NCALD: variants seen among roughly 807,000 people sequenced by gnomAD.
NCALD encodes the protein neurocalcin delta.
NCALD carries 10 observed loss-of-function variants against 18.6 expected under a neutral mutation model. That is an observed-to-expected ratio of 0.54 (90% confidence interval 0.33 to 0.91). The LOEUF is 0.91. NCALD is among the 40% of genes least tolerant of loss of function. The pLI is 0.03. For missense variants in NCALD, 184 were observed against 247.6 expected (o/e 0.74, Z 1.72); for synonymous variants, 88 against 87.4 (o/e 1.01, Z -0.04).
intron 2 of NCALD, among the ~76,000 whole-genome samples, chr8:101,940,304 TACTG>T (rs1458859834): frequency 6.6e-6 from 1 of 152,104 alleles, no homozygotes; most frequent in Non-Finnish European, 1.5e-5. Flanking sequence ...GATAAGAACT[TACTG>T]ACTAAGGGAG....
intron 1 of NCALD, among the ~76,000 whole-genome samples, chr8:101,760,175 T>C (rs146887776): frequency 2.6e-5 from 4 of 152,302 alleles, no homozygotes; most frequent in African/African-American, 7.2e-5. Flanking sequence ...ACCTCAGATA[T>C]TGACAATTTG....
At chr8:101,893,958 G>A (rs1370359652) in intron 3 of NCALD, among the ~76,000 whole-genome samples, 1 of 146,792 alleles carries the variant, frequency 6.8e-6, no homozygotes, top group Non-Finnish European at 1.5e-5. Context: ...AGATCAATGA[G>A]ACAGAAAGTC....
intron 1 of NCALD, among the ~76,000 whole-genome samples, chr8:102,044,456 A>G (rs1261811412): frequency 6.7e-6 from 1 of 149,632 alleles, no homozygotes; most frequent in Non-Finnish European, 1.5e-5. Context: ...AAGCAAGAAG[A>G]GAGATGGTAT....
chr8:101,862,005 A>C (rs1176294952), intron 4 of NCALD, among the ~76,000 whole-genome samples: 2 of 152,224 alleles, frequency 1.3e-5, no homozygotes, highest in Non-Finnish European at 2.9e-5. Flanking sequence ...CATTTAAAAT[A>C]ATCATAATAA....
At chr8:102,032,912 A>G (rs1406216778) in intron 1 of NCALD, among the ~76,000 whole-genome samples, 5 of 152,194 alleles carry the variant, frequency 3.3e-5, no homozygotes, top group Non-Finnish European at 5.9e-5. Flanking sequence ...GGCTAGCACC[A>G]TTACTGTGTG....
chr8:101,706,451 A>G (rs1815528737), intron 2 of NCALD, among the ~76,000 whole-genome samples: 2 of 152,314 alleles, frequency 1.3e-5, no homozygotes, highest in East Asian at 3.9e-4. Flanking sequence ...GAAGATCTGG[A>G]AGCAATTTGT....
intron 1 of NCALD, among the ~76,000 whole-genome samples, chr8:102,035,267 A>G (rs775140320): frequency 1.3e-5 from 2 of 152,136 alleles, no homozygotes; most frequent in Non-Finnish European, 2.9e-5. Context: ...CTCTTCCTGT[A>G]ATAACAAAGC....
intron 2 of NCALD, among the ~76,000 whole-genome samples, chr8:101,994,982 G>A (rs1028775419): frequency 1.5e-4 from 23 of 152,212 alleles, no homozygotes; most frequent in Non-Finnish European, 2.9e-4. Flanking sequence ...TATGGCACTT[G>A]AGCAGTGCCT....
chr8:101,738,405 G>A (rs745586380), intron 1 of NCALD, among the ~76,000 whole-genome samples: 6 of 151,978 alleles, frequency 3.9e-5, no homozygotes, highest in Admixed American at 6.6e-5. Flanking sequence ...TTAGCTGGGC[G>A]TGGTGGCAGG....
intron 2 of NCALD, among the ~76,000 whole-genome samples, chr8:101,700,954 C>T (rs1815237348): frequency 6.6e-6 from 1 of 152,174 alleles, no homozygotes; most frequent in South Asian, 2.1e-4. Context: ...GTGGGGTCTT[C>T]TTTAAGAGGC....
intron 1 of NCALD, among the ~76,000 whole-genome samples, chr8:101,757,271 G>A (rs1192602503): frequency 2.6e-5 from 4 of 152,166 alleles, no homozygotes; most frequent in African/African-American, 7.2e-5. Context: ...CTAAGGTCAA[G>A]TACTAGTTTC....
intron 2 of NCALD, among the ~76,000 whole-genome samples, chr8:101,922,829 G>C (rs1818213212): frequency 6.6e-6 from 1 of 151,986 alleles, no homozygotes; most frequent in African/African-American, 2.4e-5. Context: ...GTTTAATTTA[G>C]AAATTACACA....
chr8:102,102,756 C>A (rs1203526844), intron 1 of NCALD, among the ~76,000 whole-genome samples: 2 of 152,042 alleles, frequency 1.3e-5, no homozygotes, highest in African/African-American at 4.8e-5. Context: ...CAGTTCGTTG[C>A]ATTTATGAAA....
At chr8:101,994,963 C>A (rs772516586) in intron 2 of NCALD, among the ~76,000 whole-genome samples, 1 of 152,186 alleles carries the variant, frequency 6.6e-6, no homozygotes, top group Non-Finnish European at 1.5e-5. Context: ...TGCTGAGGAT[C>A]AAACAATGTA....
Position 101,734,634 on chromosome 8 carries a change from C to T in NCALD, c.-19-14986G>A, listed in dbSNP as rs568762757. Reference sequence around the variant, plus strand: ...TTGCTCTTCTGGATAAATGCAGGCACCTCTTCCTTGTTGGACACAGCTCTA... The same window carrying T: ...TTGCTCTTCTGGATAAATGCAGGCATCTCTTCCTTGTTGGACACAGCTCTA... On this transcript the variant is annotated intron_variant, in intron 1 of 3. Coordinates refer to ENST00000220931, the MANE Select transcript of NCALD (RefSeq NM_032041.3). Among the ~76,000 whole-genome samples, 4 of 152,318 alleles carry T rather than the reference C, an allele frequency of 2.6e-5. No homozygotes were observed. The East Asian group carries it at 7.7e-4, about 29-fold the overall frequency.
rs1406658470 is a variant in NCALD at position 101,738,562 on chromosome 8, A to C, written c.-19-18914T>G. Among the ~76,000 whole-genome samples, 27 of 151,776 alleles carry C rather than the reference A, an allele frequency of 1.8e-4. 2 individuals are homozygous for C. In the South Asian group the frequency reaches 3.1e-3, roughly 18 times the overall value. ...TCCATCTCAAAAAAACAAAAAAAAA[A>C]AAAAAAAAAAGAAGAAGAAGAAGAA... On this transcript the variant is annotated intron_variant, in intron 1 of 3. Transcript: ENST00000220931.
At chr8:102,056,300 A>G (rs961004482) in intron 1 of NCALD, among the ~76,000 whole-genome samples, 4 of 152,296 alleles carry the variant, frequency 2.6e-5, no homozygotes, top group African/African-American at 9.6e-5. Flanking sequence ...AGGGAGAAGC[A>G]AACTCGAGTC....
At chr8:101,784,534 T>C (rs111540172) in intron 1 of NCALD, among the ~76,000 whole-genome samples, 4,186 of 152,242 alleles carry the variant, frequency 0.027, 93 homozygotes, top group Middle Eastern at 0.048. Context: ...CAGTGGCTCA[T>C]GCCTGTAATC....
At chr8:101,734,456 GA>G (rs1317495608) in intron 1 of NCALD, among the ~76,000 whole-genome samples, 1 of 152,198 alleles carries the variant, frequency 6.6e-6, no homozygotes, top group African/African-American at 2.4e-5. Flanking sequence ...ACTGTAGGGG[GA>G]TTCTGTCTTG....
Sources: gnomAD v4.1 joint callset for allele counts (sites outside exome capture counted in the v4.1 genomes callset) on GRCh38, gnomAD v4.1.1 for gene constraint, MANE v1.5 for transcripts, NCBI Gene and HGNC (gene_info 2026-07-23, HGNC 2026-07-21) for gene names.